The following SLC9A9 variants were observed in gnomAD, a reference collection of about 807,000 sequenced individuals.
SLC9A9 encodes the protein solute carrier family 9 member A9.
In SLC9A9, 62 loss-of-function variants were observed where a neutral mutation model predicts 77.8. The observed-to-expected ratio is 0.80, with a 90% CI of 0.65 to 0.98. The LOEUF (loss-of-function observed/expected upper bound fraction) is 0.98, where lower values mean the gene tolerates loss of function less well. Ranked by LOEUF, SLC9A9 falls within the 50% of genes least tolerant of loss-of-function variation. The pLI, the probability that SLC9A9 is intolerant of heterozygous loss-of-function variation, is 0.00. For synonymous variants in SLC9A9, 320 were observed against 283.5 expected (o/e 1.13, Z -1.29); for missense variants, 775 against 774.9 (o/e 1.00, Z 0.00).
chr3:143,697,133 A>G (rs1933665086), intron 4 of SLC9A9, among the ~76,000 whole-genome samples: 1 of 151,730 alleles, frequency 6.6e-6, no homozygotes, highest in African/African-American at 2.4e-5. Context: ...AACTGTATAT[A>G]ATAATATATA....
chr3:143,441,908 C>G (rs145637062), intron 12 of SLC9A9, among the ~76,000 whole-genome samples: 2 of 152,022 alleles, frequency 1.3e-5, no homozygotes, highest in Non-Finnish European at 2.9e-5. Flanking sequence ...ACTCATCCAT[C>G]CATCCAGCCA....
At chr3:143,660,239 T>C (rs954174844) in intron 5 of SLC9A9, among the ~76,000 whole-genome samples, 1 of 152,134 alleles carries the variant, frequency 6.6e-6, no homozygotes, top group African/African-American at 2.4e-5. Context: ...TTTATTAGGC[T>C]ATAGTCAGAG....
chr3:143,606,436 C>CTCTCTCTCTATATATA (rs1419410834), intron 6 of SLC9A9, among the ~76,000 whole-genome samples: 66 of 54,188 alleles, frequency 1.2e-3, no homozygotes, highest in African/African-American at 2.2e-3. Flanking sequence ...CTCTCTCTCT[C>CTCTCTCTCTATATATA]TATATATATA....
At chr3:143,310,220 T>G (rs2030964862) in intron 14 of SLC9A9, among the ~76,000 whole-genome samples, 1 of 152,138 alleles carries the variant, frequency 6.6e-6, no homozygotes, top group Admixed American at 6.5e-5. Flanking sequence ...TAGAGCAACA[T>G]GCCATTTTCT....
chr3:143,642,237 C>T (rs913454322), intron 6 of SLC9A9, among the ~76,000 whole-genome samples: 2 of 152,326 alleles, frequency 1.3e-5, no homozygotes, highest in Middle Eastern at 6.8e-3. Flanking sequence ...AAAACTATTG[C>T]CATCCAAATT....
chr3:143,544,750 T>C (rs2036756196), intron 9 of SLC9A9, among the ~76,000 whole-genome samples: 1 of 152,208 alleles, frequency 6.6e-6, no homozygotes, highest in Non-Finnish European at 1.5e-5. Context: ...CCAAAACTGA[T>C]GTCCAGAATA....
intron 11 of SLC9A9, among the ~76,000 whole-genome samples, chr3:143,470,083 C>T (rs947759837): frequency 6.6e-6 from 1 of 152,126 alleles, no homozygotes; most frequent in African/African-American, 2.4e-5. Context: ...CTCAAGGAAA[C>T]AGTCGTACAA....
At chr3:143,662,732 G>A (rs1560018836) in intron 5 of SLC9A9, among the ~76,000 whole-genome samples, 1 of 152,222 alleles carries the variant, frequency 6.6e-6, no homozygotes, top group East Asian at 1.9e-4. Context: ...AAATTGCGAG[G>A]TAGCAGCCAG....
At chr3:143,640,977 C>A (rs1467294855) in intron 6 of SLC9A9, among the ~76,000 whole-genome samples, 1 of 152,154 alleles carries the variant, frequency 6.6e-6, no homozygotes, top group African/African-American at 2.4e-5. Context: ...GCTGACATGG[C>A]AGAAAATGTC....
chr3:143,806,342 C>T (rs1336921504), intron 2 of SLC9A9, among the ~76,000 whole-genome samples: 1 of 151,942 alleles, frequency 6.6e-6, no homozygotes, highest in Non-Finnish European at 1.5e-5. Flanking sequence ...CATTTTGGCC[C>T]CTCTTTTGTG....
chr3:143,825,320 A>G (rs2009270905), intron 2 of SLC9A9, among the ~76,000 whole-genome samples: 1 of 152,192 alleles, frequency 6.6e-6, no homozygotes, highest in African/African-American at 2.4e-5. Flanking sequence ...GGAAAAGACT[A>G]GAAATGCAAA....
chr3:143,505,386 A>G (rs1195434465), intron 9 of SLC9A9, among the ~76,000 whole-genome samples: 2 of 152,208 alleles, frequency 1.3e-5, no homozygotes, highest in East Asian at 3.8e-4. Context: ...ATATAGCTTT[A>G]TATATGCATA....
At chr3:143,339,784 T>A (rs577973415) in intron 14 of SLC9A9, among the ~76,000 whole-genome samples, 40 of 152,278 alleles carry the variant, frequency 2.6e-4, no homozygotes, top group African/African-American at 8.9e-4. Context: ...TGTATTCAGT[T>A]CTGATCATTA....
chr3:143,777,495 T>C (rs1302930168), intron 4 of SLC9A9, among the ~76,000 whole-genome samples: 1 of 152,210 alleles, frequency 6.6e-6, no homozygotes, highest in Non-Finnish European at 1.5e-5. Context: ...TCTAGTGAAC[T>C]ATTTATCTAC....
At chr3:143,328,820 G>A (rs559702824) in intron 14 of SLC9A9, among the ~76,000 whole-genome samples, 1 of 152,330 alleles carries the variant, frequency 6.6e-6, no homozygotes, top group Non-Finnish European at 1.5e-5. Context: ...GGGGTTGTAT[G>A]TTGGTAACAA....
intron 2 of SLC9A9, among the ~76,000 whole-genome samples, chr3:143,831,317 C>A (rs1227247639): frequency 6.6e-6 from 1 of 152,084 alleles, no homozygotes; most frequent in Non-Finnish European, 1.5e-5. Flanking sequence ...TACAAGGCAC[C>A]ACAAAAGATA....
chr3:143,301,464 C>G (rs1458196215), intron 14 of SLC9A9, among the ~76,000 whole-genome samples: 2 of 152,100 alleles, frequency 1.3e-5, no homozygotes, highest in African/African-American at 4.8e-5. Context: ...TTTTCTTGGC[C>G]CTCTAGTGGA....
intron 4 of SLC9A9, among the ~76,000 whole-genome samples, chr3:143,695,995 G>C (rs1933629405): frequency 8.5e-6 from 1 of 118,076 alleles, no homozygotes; most frequent in Admixed American, 9.3e-5. Context: ...ACTATTTGAT[G>C]GGGTTATTTC....
At chr3:143,267,136 G>A (rs1333739186) in intron 15 of SLC9A9, among the ~76,000 whole-genome samples, 2 of 151,976 alleles carry the variant, frequency 1.3e-5, no homozygotes, top group Non-Finnish European at 2.9e-5. Flanking sequence ...AGCCATAAGG[G>A]GTCTCTAAGT....
Sources: allele counts gnomAD v4.1 joint callset (sites outside exome capture counted in the v4.1 genomes callset), GRCh38; gene constraint gnomAD v4.1.1; transcripts MANE v1.5; gene names NCBI Gene and HGNC (gene_info 2026-07-23, HGNC 2026-07-21).